The following PAPLN variants were observed in gnomAD, a reference collection of about 807,000 sequenced individuals.
PAPLN encodes papilin.
PAPLN carries 146 observed loss-of-function variants against 159.0 expected under a neutral mutation model. The observed-to-expected ratio is 0.92, with a 90% CI of 0.80 to 1.05. The LOEUF is 1.05. PAPLN is among the 50% of genes least tolerant of loss of function. PAPLN has a pLI of 0.00. For synonymous variants in PAPLN, 734 were observed against 702.9 expected (o/e 1.04, Z -0.70); for missense variants, 1,720 against 1,743.9 (o/e 0.99, Z 0.24).
rs140626278 is a variant in PAPLN, at chr14:73,259,312, C to T, written c.1752C>T (p.Ala584=). The T allele has an allele frequency of 6.6e-4, 1,057 of 1,598,046 alleles. 4 individuals carry two copies. In the Middle Eastern group the frequency reaches 0.011, roughly 16 times the overall value. Residue 584 remains alanine (A), a synonymous_variant, in exon 16 of 27, where the codon GCC becomes GCT. Coordinates refer to ENST00000644200, the MANE Select transcript of PAPLN (RefSeq NM_001365906.3). The part of the protein sequence containing the change: ...QWWAAQEHPS[A]RGDHRGERGD... ...GGGCAGCCCAGGAACACCCCTCAGC[C>T]AGGGGTGACCACAGGGGAGAACGAG...
Position 73,250,874 on chromosome 14 carries a change from C to T in PAPLN, c.466-33C>T, listed in dbSNP as rs372175237. 281 of 1,580,316 alleles carry T rather than the reference C, an allele frequency of 1.8e-4. No homozygotes were observed. The African/African-American group carries it at 2.6e-3, about 15-fold the overall frequency. ...CCAAGGCCTGATGTGGCCATGATGC[C>T]GTCTCCCCTGCCTCCCGCATCTCTG... On this transcript the variant is annotated intron_variant, in intron 6 of 26. Coordinates refer to ENST00000644200, the MANE Select transcript of PAPLN (RefSeq NM_001365906.3).
At chr14:73,241,410 T>C (rs1232824833) in intron 2 of PAPLN, among the ~76,000 whole-genome samples, 1 of 152,220 alleles carries the variant, frequency 6.6e-6, no homozygotes, top group African/African-American at 2.4e-5. Flanking sequence ...GACAGCTGCA[T>C]GATCCTAGGC....
chr14:73,265,279 AAGGGGCCACC>A lies in PAPLN; in HGVS notation c.3126-87_3126-78del. 6.6e-7 allele frequency: 1 copy of A among 1,520,864 alleles called. No homozygotes were observed. Among genetic ancestry groups the A allele is most frequent in the Non-Finnish European group, 8.8e-7 (1 of 1,137,602 alleles). 94.2% of individuals were successfully genotyped at this position (1,520,864 alleles called of 1,614,324 possible). On this transcript the variant is annotated intron_variant, in intron 22 of 26. Transcript: ENST00000644200. The surrounding 1 kb of genome is among the most constrained non-coding windows in gnomAD (Gnocchi z 4.1). ...AAGCTGAATCTGGCTGGAGAGGGAG[AAGGGGCCACC>A]AGGCTTGTGCAGAGGTGCCCATGGG...
At chr14:73,249,862 T>G in intron 5 of PAPLN, 122 bp from the exon 6 acceptor site, 1 of 1,154,430 alleles carries the variant, frequency 8.7e-7, no homozygotes. Flanking sequence ...GGATCTGTGC[T>G]CTGCGGGGCC....
At chr14:73,254,324 CTG>C (rs1299319613) in intron 12 of PAPLN, among the ~76,000 whole-genome samples, 187 bp from the exon 13 acceptor site, 2 of 152,302 alleles carry the variant, frequency 1.3e-5, no homozygotes, top group African/African-American at 4.8e-5. Context: ...CAACCTCAGT[CTG>C]TTGTCAGTAG....
intron 20 of PAPLN, 136 bp from the exon 21 acceptor site, chr14:73,264,075 T>C: frequency 6.6e-7 from 1 of 1,517,478 alleles, no homozygotes; most frequent in Non-Finnish European, 8.9e-7. Flanking sequence ...TGAAGCATAT[T>C]CCCCCAGCCT....
intron 1 of PAPLN, 129 bp downstream of exon 1, chr14:73,237,721 A>T (rs1209320394): frequency 1.3e-5 from 2 of 152,186 alleles, no homozygotes; most frequent in Non-Finnish European, 2.9e-5. Context: ...GGGGCCGCAG[A>T]GAAGACCCCG....
Position 73,245,866 on chromosome 14 carries a change from C to T in PAPLN, c.231+170C>T, listed in dbSNP as rs1884198051. ...GGGGGCCCCTTCCTCACCCTGCTCC[C>T]GGGGACTGGCCTTGCCCTCCACAGC... On this transcript the variant is annotated intron_variant, in intron 4 of 26. Transcript: ENST00000644200. The surrounding 1 kb of genome is among the most constrained non-coding windows in gnomAD (Gnocchi z 4.2). 2 of 946,516 alleles carry T rather than the reference C, an allele frequency of 2.1e-6. No homozygotes were observed. The highest frequency in any genetic ancestry group is 2.6e-5 in the Admixed American group (1 of 39,080). The allele number at this position is 946,516 out of a possible 1,614,324, so 58.6% of individuals were successfully genotyped here. A position where few individuals can be genotyped will look rare whatever the true frequency, so the allele number is the denominator to read the frequency against.
intron 26 of PAPLN, chr14:73,272,262 AAAT>A (rs1220471586): frequency 3.6e-5 from 14 of 391,842 alleles, no homozygotes; most frequent in South Asian, 1.1e-4. Flanking sequence ...CTGAGGCCAC[AAAT>A]AATAATGGGA....
Position 73,266,605 on chromosome 14 carries a change from G to T in PAPLN, c.3368G>T (p.Arg1123Leu). The T allele has an allele frequency of 6.2e-7, 1 of 1,614,174 alleles. No individual in the cohort carries two copies. Among genetic ancestry groups the T allele is most frequent in the Non-Finnish European group, 8.5e-7 (1 of 1,180,036 alleles). The part of the protein sequence containing the change: ...VAFNGQDRDQ[R>L]WVQLRVLGEL... ...TTCAATGGGCAGGACCGAGACCAGCGATGGGTCCAGCTCAGAGTTCTGGGT... is the reference window on the plus strand; with the variant it reads ...TTCAATGGGCAGGACCGAGACCAGCTATGGGTCCAGCTCAGAGTTCTGGGT... Residue 1123 changes from arginine to leucine, a missense_variant, in exon 24 of 27, where the codon CGA (arginine) becomes CTA (leucine). By Grantham distance (102) the Arg-to-Leu change is moderately radical. Transcript: ENST00000644200.
intron 20 of PAPLN, 41 bp downstream of exon 20, chr14:73,263,823 G>C: frequency 1.3e-6 from 2 of 1,561,858 alleles, no homozygotes; most frequent in Non-Finnish European, 1.7e-6. Context: ...AGGTGTGACA[G>C]CCCCCCTACC....
intron 5 of PAPLN, among the ~76,000 whole-genome samples, chr14:73,247,086 T>A (rs558703644): frequency 1.3e-5 from 2 of 152,262 alleles, no homozygotes; most frequent in Admixed American, 1.3e-4. Flanking sequence ...ATGGGAAGCG[T>A]TCCTCCCGTC....
At chr14:73,267,541 G>A (rs1328010625) in intron 25 of PAPLN, among the ~76,000 whole-genome samples, 1 of 152,242 alleles carries the variant, frequency 6.6e-6, no homozygotes, top group Non-Finnish European at 1.5e-5. Flanking sequence ...CACCTTAATA[G>A]CTAAGGATGG....
In PAPLN at chr14:73,272,620, A is replaced by C; in HGVS notation, c.3793A>C (p.Ser1265Arg). 6.3e-7 allele frequency: 1 copy of C among 1,595,124 alleles called. No individual in the cohort carries two copies. Among genetic ancestry groups the C allele is most frequent in the Non-Finnish European group, 8.6e-7 (1 of 1,164,408 alleles). Reference protein sequence around the residue: ...NEYYSSFCCASCSRFQPHAQP... With the variant: ...NEYYSSFCCARCSRFQPHAQP... ...GTATTACTCCAGCTTCTGCTGTGCC[A>C]GCTGTTCACGTTTCCAGCCTCACGC... Residue 1265 changes from serine to arginine, a missense_variant, in exon 27 of 27, where the codon AGC becomes CGC. Physicochemically the swap from Ser to Arg is moderately radical, Grantham distance 110. Transcript: ENST00000644200.
intron 25 of PAPLN, among the ~76,000 whole-genome samples, 160 bp downstream of exon 25, chr14:73,266,991 AGCAAAGCTCT>A (rs1217513587): frequency 6.6e-6 from 1 of 152,068 alleles, no homozygotes; most frequent in Non-Finnish European, 1.5e-5. Flanking sequence ...ATCCCTACAG[AGCAAAGCTCT>A]GTAGGGCCAC....
intron 10 of PAPLN, among the ~76,000 whole-genome samples, chr14:73,252,410 G>A (rs1398372793): frequency 0.043 from 4 of 94 alleles, no homozygotes; most frequent in East Asian, 0.3. Context: ...CCTCAGGACC[G>A]GAGCTGGGCC....
Position 73,252,088 on chromosome 14 carries a change from G to A in PAPLN, c.914G>A (p.Gly305Asp), listed in dbSNP as rs777101404. The A allele has an allele frequency of 6.2e-7, 1 of 1,610,948 alleles. No individual in the cohort carries two copies. The highest frequency in any genetic ancestry group is 1.3e-5 in the African/African-American group (1 of 74,890). Residue 305 changes from glycine to aspartate, a missense_variant, in exon 10 of 27, where the codon GGC becomes GAC. Gly to Asp is a moderately conservative substitution (Grantham distance 94, BLOSUM62 -1). Transcript: ENST00000644200. ...YHLPLRRPSP[G>D]FSWSHGSWSD... ...CTGCCCCTGCGCCGCCCCAGCCCCG[G>A]CTTCAGCTGGAGCCACGGCTCATGG...
At chr14:73,239,048 G>C (rs1594769289) in intron 1 of PAPLN, among the ~76,000 whole-genome samples, 2 of 152,270 alleles carry the variant, frequency 1.3e-5, no homozygotes, top group East Asian at 3.9e-4. Context: ...GACTGCACAT[G>C]GACCCGCCCC....
In PAPLN at chr14:73,259,080, C is replaced by T. The variant is rs537114318; in HGVS notation, c.1708+21C>T. 5 of 1,600,028 alleles carry T rather than the reference C, an allele frequency of 3.1e-6. No homozygotes were observed. In the South Asian group the frequency reaches 3.4e-5, roughly 11 times the overall value. ...CTCAGGTGAGAGCCTGGTCCCGTCC[C>T]CCACTCAGAGCCCTGTAGTTTTTGT... On this transcript the variant is annotated intron_variant, in intron 15 of 26. Coordinates refer to ENST00000644200, the MANE Select transcript of PAPLN (RefSeq NM_001365906.3).
Sources: allele counts gnomAD v4.1 joint callset (sites outside exome capture counted in the v4.1 genomes callset), GRCh38; gene constraint gnomAD v4.1.1; non-coding constraint Gnocchi (gnomAD v3.1); transcripts MANE v1.5; gene names NCBI Gene and HGNC (gene_info 2026-07-23, HGNC 2026-07-21).